The following ZRANB3 variants were observed in gnomAD, a reference collection of about 807,000 sequenced individuals.
ZRANB3 encodes the protein zinc finger RANBP2-type containing 3.
A neutral mutation model predicts 133.8 loss-of-function variants in ZRANB3; 125 were observed. The ratio of observed to expected loss-of-function variants is 0.93; its 90% CI spans 0.81 to 1.08. ZRANB3 has a LOEUF of 1.08. ZRANB3 is among the 50% of genes least tolerant of loss of function. The pLI, the probability that ZRANB3 is intolerant of heterozygous loss-of-function variation, is 0.00. For missense variants in ZRANB3, 1,229 were observed against 1,275.5 expected (o/e 0.96, Z 0.56); for synonymous variants, 387 against 432.7 (o/e 0.89, Z 1.31).
chr2:135,262,280 G>C (rs975096244), intron 12 of ZRANB3, among the ~76,000 whole-genome samples: 3 of 150,564 alleles, frequency 2.0e-5, no homozygotes, highest in Non-Finnish European at 3.0e-5. Flanking sequence ...GAAAAAAATT[G>C]TACTAGACCT....
intron 6 of ZRANB3, among the ~76,000 whole-genome samples, chr2:135,340,585 C>G (rs1684604696): frequency 6.6e-6 from 1 of 152,050 alleles, no homozygotes; most frequent in South Asian, 2.1e-4. Context: ...GTGGCTCACA[C>G]CTGTAATCCC....
At chr2:135,244,019 T>A (rs1013148034) in intron 12 of ZRANB3, among the ~76,000 whole-genome samples, 25 of 150,868 alleles carry the variant, frequency 1.7e-4, no homozygotes, top group Non-Finnish European at 4.4e-5. Flanking sequence ...CTACACTGAA[T>A]AATGTTTAAA....
intron 10 of ZRANB3, among the ~76,000 whole-genome samples, chr2:135,270,663 T>C (rs1328441545): frequency 6.6e-6 from 1 of 152,144 alleles, no homozygotes; most frequent in Non-Finnish European, 1.5e-5. Context: ...GAGGGAAGCA[T>C]TGAGACAACC....
chr2:135,317,372 C>T (rs984323364), intron 6 of ZRANB3, among the ~76,000 whole-genome samples: 2 of 152,104 alleles, frequency 1.3e-5, no homozygotes, highest in African/African-American at 4.8e-5. Context: ...TTCAGAACTA[C>T]CAATATTGGG....
At chr2:135,400,447 G>C (rs1687686194) in intron 2 of ZRANB3, among the ~76,000 whole-genome samples, 1 of 151,926 alleles carries the variant, frequency 6.6e-6, no homozygotes, top group African/African-American at 2.4e-5. Flanking sequence ...CTGGGTTCAA[G>C]TGGTTCTCCT....
chr2:135,398,047 C>CT (rs966693695), intron 2 of ZRANB3, among the ~76,000 whole-genome samples: 7 of 151,996 alleles, frequency 4.6e-5, no homozygotes, highest in Non-Finnish European at 7.4e-5. Context: ...TGTTCTTTTT[C>CT]TTTTTGTTTT....
intron 3 of ZRANB3, among the ~76,000 whole-genome samples, chr2:135,361,326 A>G (rs1277854880): frequency 5.3e-5 from 8 of 152,246 alleles, no homozygotes; most frequent in Non-Finnish European, 1.0e-4. Flanking sequence ...AGGTAGCTAC[A>G]TAAGAATTAA....
intron 3 of ZRANB3, among the ~76,000 whole-genome samples, chr2:135,390,341 A>G (rs575897387): frequency 4.6e-5 from 7 of 152,328 alleles, no homozygotes; most frequent in Non-Finnish European, 1.5e-5. Flanking sequence ...AAACACGAAT[A>G]GGGATACATA....
At chr2:135,352,285 TG>T (rs530277384) in intron 4 of ZRANB3, among the ~76,000 whole-genome samples, 138 of 151,402 alleles carry the variant, frequency 9.1e-4, no homozygotes, top group Non-Finnish European at 1.7e-3. Context: ...TGAGCCGACA[TG>T]GTGCCACTGC....
At chr2:135,370,398 G>T (rs1686125438) in intron 3 of ZRANB3, among the ~76,000 whole-genome samples, 1 of 151,960 alleles carries the variant, frequency 6.6e-6, no homozygotes, top group African/African-American at 2.4e-5. Context: ...TCATAGCTTA[G>T]CTCTCAGTTA....
intron 19 of ZRANB3, among the ~76,000 whole-genome samples, chr2:135,206,753 G>A (rs1383244980): frequency 7.0e-6 from 1 of 142,456 alleles, no homozygotes; most frequent in Admixed American, 7.1e-5. Context: ...AGGGAGGGGG[G>A]AACAGGGGAG....
At chr2:135,366,300 G>A (rs1341051308) in intron 3 of ZRANB3, among the ~76,000 whole-genome samples, 2 of 151,384 alleles carry the variant, frequency 1.3e-5, no homozygotes, top group African/African-American at 4.9e-5. Context: ...GGACGCCTTT[G>A]TGAAAGTTTT....
chr2:135,329,527 G>T (rs1451579130), intron 6 of ZRANB3, among the ~76,000 whole-genome samples: 3 of 152,182 alleles, frequency 2.0e-5, no homozygotes, highest in Non-Finnish European at 4.4e-5. Context: ...GCTTAGGATT[G>T]TCTTGGCAAT....
intron 8 of ZRANB3, among the ~76,000 whole-genome samples, chr2:135,297,998 G>A (rs2104804991): frequency 6.6e-6 from 1 of 152,248 alleles, no homozygotes; most frequent in Non-Finnish European, 1.5e-5. Context: ...CAGAGCTGAG[G>A]TGGGTGGATA....
intron 1 of ZRANB3, among the ~76,000 whole-genome samples, chr2:135,529,800 C>G (rs1340250316): frequency 1.3e-5 from 2 of 151,622 alleles, no homozygotes; most frequent in African/African-American, 2.4e-5. Context: ...CAGGTCTGAG[C>G]CACCGCGCCT....
At chr2:135,227,758 T>C in intron 14 of ZRANB3, 54 bp downstream of exon 14, 2 of 1,497,278 alleles carry the variant, frequency 1.3e-6, no homozygotes, top group Non-Finnish European at 1.8e-6. Context: ...AACAGTATTA[T>C]GTGTGAAAGT....
chr2:135,498,740 T>C (rs1268737816), intron 2 of ZRANB3, among the ~76,000 whole-genome samples: 1 of 152,118 alleles, frequency 6.6e-6, no homozygotes, highest in East Asian at 1.9e-4. Flanking sequence ...CAAGGGAAGG[T>C]CTCTAAAATG....
intron 7 of ZRANB3, among the ~76,000 whole-genome samples, chr2:135,313,871 T>C (rs1273184290): frequency 6.6e-6 from 1 of 152,180 alleles, no homozygotes; most frequent in African/African-American, 2.4e-5. Context: ...TATAATTTCT[T>C]CTTTTTTTTT....
In ZRANB3 at chr2:135,290,280, T is replaced by C. The variant is rs183533420; in HGVS notation, c.967-14525A>G. On this transcript the variant is annotated intron_variant, in intron 8 of 20. Transcript: ENST00000264159. ...TTTCAAAAGTTTGGGAGCTGCAGTGTTAGGTGCATACATATTTAGGATTGT... is the reference window on the plus strand; with the variant it reads ...TTTCAAAAGTTTGGGAGCTGCAGTGCTAGGTGCATACATATTTAGGATTGT... Among the ~76,000 whole-genome samples the C allele has an allele frequency of 3.3e-5, 5 of 152,358 alleles. No individual in the cohort carries two copies. In the East Asian group the frequency reaches 5.8e-4, roughly 18 times the overall value.
Sources: gnomAD v4.1 joint callset for allele counts (sites outside exome capture counted in the v4.1 genomes callset) on GRCh38, gnomAD v4.1.1 for gene constraint, MANE v1.5 for transcripts, NCBI Gene and HGNC (gene_info 2026-07-23, HGNC 2026-07-21) for gene names.